Variants in TNFRSF8 observed in about 807,000 individuals in gnomAD.
TNFRSF8 encodes TNF receptor superfamily member 8, also known as tumor necrosis factor receptor superfamily member 8.
Under a neutral mutation model 70.8 loss-of-function variants are expected in TNFRSF8, and 26 were observed. The observed-to-expected ratio is 0.37, with a 90% confidence interval of 0.27 to 0.51. TNFRSF8 has a LOEUF of 0.51. TNFRSF8 is among the 20% of genes least tolerant of loss of function. The probability of loss-of-function intolerance (pLI) is 0.94; values close to 1 mark genes in which losing one functional copy is unlikely to be tolerated. For missense variants in TNFRSF8, 720 were observed against 807.9 expected (o/e 0.89, Z 1.32); for synonymous variants, 356 against 339.2 (o/e 1.05, Z -0.54).
At position 12,103,961 on chromosome 1, in the gene TNFRSF8, A is replaced by G. The variant is rs76718730; in HGVS notation, c.269-418A>G. ...AACGGATGATGACCACGTGCCCACCATCACCGTGGCATCCAGAATATTTTC... is the reference window on the plus strand; with the variant it reads ...AACGGATGATGACCACGTGCCCACCGTCACCGTGGCATCCAGAATATTTTC... On this transcript the variant is annotated intron_variant, in intron 3 of 14. Coordinates refer to ENST00000263932, the MANE Select transcript of TNFRSF8 (RefSeq NM_001243.5). 2.4e-3 allele frequency among the ~76,000 whole-genome samples: 370 copies of G among 152,318 alleles called. 4 individuals carry two copies. Among genetic ancestry groups the G allele is most frequent in the African/African-American group, 8.5e-3 (353 of 41,572 alleles).
At chr1:12,104,613 CT>C in intron 4 of TNFRSF8, 82 bp downstream of exon 4, 2 of 1,532,476 alleles carry the variant, frequency 1.3e-6, no homozygotes, top group South Asian at 1.2e-5. Flanking sequence ...GCACTGTTGA[CT>C]TCCGACCTCC....
At position 12,141,788 on chromosome 1, in the gene TNFRSF8, T is replaced by TG. The variant is rs1316958073; in HGVS notation, c.1544-494dup. Reference sequence around the variant, plus strand: ...CCAGGCGGAGTGGGTGGTTTTTTTTTGGGGGATTTCTCCTAACTACGTGGC... The same window carrying TG: ...CCAGGCGGAGTGGGTGGTTTTTTTTTGGGGGGATTTCTCCTAACTACGTGGC... On this transcript the variant is annotated intron_variant, in intron 14 of 14. Coordinates refer to ENST00000263932, the MANE Select transcript of TNFRSF8 (RefSeq NM_001243.5). This position sits in a 1 kb window ranked among gnomAD's most constrained non-coding sequence, Gnocchi z 5.4. Among the ~76,000 whole-genome samples, 25 of 151,832 alleles carry TG rather than the reference T, an allele frequency of 1.6e-4. 1 individual carries two copies. The highest frequency in any genetic ancestry group is 1.2e-3 in the Admixed American group (19 of 15,264).
In TNFRSF8 at chr1:12,141,953, C is replaced by T. The variant is rs934659643; in HGVS notation, c.1544-334C>T. On this transcript the variant is annotated intron_variant, in intron 14 of 14. Coordinates refer to ENST00000263932, the MANE Select transcript of TNFRSF8 (RefSeq NM_001243.5). The surrounding 1 kb of genome is among the most constrained non-coding windows in gnomAD (Gnocchi z 5.4). Reference sequence around the variant, plus strand: ...ACTGCTCAGCTCTGCTGTTTCTGCTCGTGCTCTGGTTACCCACGGCTTTGC... The same window carrying T: ...ACTGCTCAGCTCTGCTGTTTCTGCTTGTGCTCTGGTTACCCACGGCTTTGC... Among the ~76,000 whole-genome samples the T allele has an allele frequency of 3.9e-5, 6 of 152,188 alleles. No homozygotes were observed. Among genetic ancestry groups the T allele is most frequent in the East Asian group, 1.9e-4 (1 of 5,192 alleles).
chr1:12,067,255 C>G lies in TNFRSF8; in HGVS notation c.63+3594C>G, dbSNP rs140107939. Among the ~76,000 whole-genome samples, 637 of 152,270 alleles carry G rather than the reference C, an allele frequency of 4.2e-3. 7 individuals are homozygous for G. The highest frequency in any genetic ancestry group is 0.014 in the African/African-American group (599 of 41,554). ...TGTGAACTCTGTAGACTTAGAAATTCCCCAACATCATGTTCCTTGCCAGTG... is the reference window on the plus strand; with the variant it reads ...TGTGAACTCTGTAGACTTAGAAATTGCCCAACATCATGTTCCTTGCCAGTG... On this transcript the variant is annotated intron_variant, in intron 1 of 14. Coordinates refer to ENST00000263932, the MANE Select transcript of TNFRSF8 (RefSeq NM_001243.5).
chr1:12,114,664 G>GTT (rs1228885254), intron 7 of TNFRSF8, among the ~76,000 whole-genome samples: 1 of 77,964 alleles, frequency 1.3e-5, no homozygotes, highest in African/African-American at 4.5e-5. Context: ...CTCTAACATG[G>GTT]TTTTTTTTTG....
intron 9 of TNFRSF8, 23 bp downstream of exon 9, chr1:12,123,400 CTGTT>C (rs759995265): frequency 1.6e-5 from 25 of 1,583,446 alleles, no homozygotes; most frequent in Non-Finnish European, 2.0e-5. Context: ...CCCCTTCTCT[CTGTT>C]TGGCTGCTGC....
intron 1 of TNFRSF8, among the ~76,000 whole-genome samples, chr1:12,076,826 T>C (rs1202200524): frequency 1.3e-5 from 2 of 152,054 alleles, no homozygotes; most frequent in Non-Finnish European, 2.9e-5. Context: ...AGAGAGGGGT[T>C]CAGAGTCCTA....
intron 7 of TNFRSF8, among the ~76,000 whole-genome samples, chr1:12,114,694 CTTTTTTT>C (rs542462017): frequency 0.011 from 875 of 77,032 alleles, 9 homozygotes; most frequent in Middle Eastern, 0.034. Flanking sequence ...GAAAAAAAAT[CTTTTTTT>C]TTTTTTTTTT....
Position 12,138,947 on chromosome 1 carries a change from G to A in TNFRSF8, c.1543+511G>A, listed in dbSNP as rs1279820727. 2.0e-5 allele frequency among the ~76,000 whole-genome samples: 3 copies of A among 152,274 alleles called. No homozygotes were observed. The highest frequency in any genetic ancestry group is 1.3e-4 in the Admixed American group (2 of 15,300). On this transcript the variant is annotated intron_variant, in intron 14 of 14. Coordinates refer to ENST00000263932, the MANE Select transcript of TNFRSF8 (RefSeq NM_001243.5). This position sits in a 1 kb window ranked among gnomAD's most constrained non-coding sequence, Gnocchi z 5.7. ...GCTGGAACTCGTCCCGCATCTGCTGGGCCTTGAAGCCCGTGGTTTGTCCAC... is the reference window on the plus strand; with the variant it reads ...GCTGGAACTCGTCCCGCATCTGCTGAGCCTTGAAGCCCGTGGTTTGTCCAC...
In TNFRSF8 at chr1:12,110,345, T is replaced by A; in HGVS notation, c.676+141T>A. ...GAGAGAAGACGGTGGTAAGGTATGA[T>A]CTAGGGCTGAAAGCATTGAGGGGCA... is the stretch of plus-strand genomic sequence containing the variant. On this transcript the variant is annotated intron_variant, in intron 6 of 14. Transcript: ENST00000263932. This position sits in a 1 kb window ranked among gnomAD's most constrained non-coding sequence, Gnocchi z 4.0. 1.1e-6 allele frequency: 1 copy of A among 903,218 alleles called. No homozygotes were observed. 56.0% of individuals were successfully genotyped at this position (903,218 alleles called of 1,614,324 possible).
chr1:12,101,497 T>C (rs533306237), intron 3 of TNFRSF8, among the ~76,000 whole-genome samples: 1 of 152,230 alleles, frequency 6.6e-6, no homozygotes, highest in South Asian at 2.1e-4. Context: ...CTATGATCAT[T>C]ATCAAGTATT....
chr1:12,081,997 C>T (rs1052331469), intron 1 of TNFRSF8, among the ~76,000 whole-genome samples: 1 of 152,000 alleles, frequency 6.6e-6, no homozygotes, highest in African/African-American at 2.4e-5. Flanking sequence ...TGCTTCCCTT[C>T]TCTTGCCTCA....
chr1:12,096,611 G>A (rs1346663957), intron 2 of TNFRSF8, among the ~76,000 whole-genome samples: 1 of 152,126 alleles, frequency 6.6e-6, no homozygotes, highest in Non-Finnish European at 1.5e-5. Flanking sequence ...AGTGAGATAA[G>A]ACCCCTGCAG....
At chr1:12,101,387 A>G (rs1220931602) in intron 3 of TNFRSF8, among the ~76,000 whole-genome samples, 2 of 151,796 alleles carry the variant, frequency 1.3e-5, no homozygotes, top group East Asian at 3.9e-4. Flanking sequence ...TGATCATGCC[A>G]CTGCACTCCA....
At chr1:12,086,752 A>T (rs1641158988) in intron 2 of TNFRSF8, among the ~76,000 whole-genome samples, 1 of 151,928 alleles carries the variant, frequency 6.6e-6, no homozygotes, top group East Asian at 1.9e-4. Flanking sequence ...TGGCTTGCAG[A>T]TGGCAGTCTT....
chr1:12,104,683 C>G (rs1641489347), intron 4 of TNFRSF8, 152 bp downstream of exon 4: 4 of 950,460 alleles, frequency 4.2e-6, no homozygotes, highest in Non-Finnish European at 6.3e-6. Context: ...CAGGGATGTA[C>G]CCAGCACCCA....
In TNFRSF8 at chr1:12,143,520, C is replaced by T. The variant is rs1293810006; in HGVS notation, c.*989C>T. On this transcript the variant is annotated 3_prime_UTR_variant, in exon 15 of 15. Coordinates refer to ENST00000263932, the MANE Select transcript of TNFRSF8 (RefSeq NM_001243.5). The surrounding 1 kb of genome is among the most constrained non-coding windows in gnomAD (Gnocchi z 4.1). The stretch of plus-strand genomic sequence containing the variant: ...CTTGCAAATCCACTAGCACCGACCC[C>T]ACCACCTGGTTCCGGCTCTGCACGC... The T allele has an allele frequency of 6.6e-6, 1 of 152,380 alleles. No individual in the cohort carries two copies. The highest frequency in any genetic ancestry group is 1.5e-5 in the Non-Finnish European group (1 of 68,218). The allele number at this position is 152,380 out of a possible 1,614,324, so 9.4% of individuals were successfully genotyped here. A position where few individuals can be genotyped will look rare whatever the true frequency, so the allele number is the denominator to read the frequency against.
In TNFRSF8 at chr1:12,076,095, TTC is replaced by T. The variant is rs1319441743; in HGVS notation, c.64-8367_64-8366del. Among the ~76,000 whole-genome samples the T allele has an allele frequency of 6.8e-4, 61 of 89,682 alleles. 1 individual carries two copies. The highest frequency in any genetic ancestry group is 4.0e-3 in the African/African-American group (56 of 13,984). The allele number at this position is 89,682 out of a possible 152,430, so 58.8% of individuals were successfully genotyped here. ...CCTTCTTGGTTTTATTCTTTTTTTT[TTC>T]TTTTTCTTTTTTTTTTTTTTGAGAT... On this transcript the variant is annotated intron_variant, in intron 1 of 14. Coordinates refer to ENST00000263932, the MANE Select transcript of TNFRSF8 (RefSeq NM_001243.5).
At chr1:12,105,073 G>A (rs11569859) in intron 4 of TNFRSF8, among the ~76,000 whole-genome samples, 8,738 of 152,252 alleles carry the variant, frequency 0.057, 341 homozygotes, top group Non-Finnish European at 0.08. Flanking sequence ...GAAGGGGTAT[G>A]GGCCACAGAA....
Sources: gnomAD v4.1 joint callset for allele counts (sites outside exome capture counted in the v4.1 genomes callset) on GRCh38, gnomAD v4.1.1 for gene constraint, Gnocchi (gnomAD v3.1) non-coding constraint, MANE v1.5 for transcripts, NCBI Gene and HGNC (gene_info 2026-07-23, HGNC 2026-07-21) for gene names.